CCR5AS: variants seen among roughly 807,000 people sequenced by gnomAD.
CCR5AS encodes the protein CCR5 antisense RNA.
At chr3:46,369,245 C>T (rs1297245125) in intron 3 of CCR5AS, among the ~76,000 whole-genome samples, 1 of 152,122 alleles carries the variant, frequency 6.6e-6, no homozygotes, top group Non-Finnish European at 1.5e-5. Flanking sequence ...CACAGAGCTT[C>T]AATAATTTGG....
intron 2 of CCR5AS, among the ~76,000 whole-genome samples, chr3:46,383,429 GT>G (rs1458494489): frequency 2.0e-5 from 3 of 152,170 alleles, no homozygotes; most frequent in Non-Finnish European, 4.4e-5. Flanking sequence ...GAATTAACGT[GT>G]TAAGAGCTAG....
chr3:46,383,638 G>T (rs557814321), intron 2 of CCR5AS, among the ~76,000 whole-genome samples: 191 of 152,292 alleles, frequency 1.3e-3, no homozygotes, highest in Non-Finnish European at 2.5e-3. Context: ...ATGGCCAGGG[G>T]TAAGAGAGGG....
chr3:46,379,913 TAAA>T (rs1701802185), intron 2 of CCR5AS, among the ~76,000 whole-genome samples: 1 of 148,724 alleles, frequency 6.7e-6, no homozygotes, highest in African/African-American at 2.4e-5. Flanking sequence ...AATAAATAAA[TAAA>T]TAAATAAATA....
At chr3:46,366,034 A>G (rs1701595279) in intron 3 of CCR5AS, among the ~76,000 whole-genome samples, 1 of 152,154 alleles carries the variant, frequency 6.6e-6, no homozygotes, top group Non-Finnish European at 1.5e-5. Flanking sequence ...GGCTTTGAGG[A>G]GAGATGCCCT....
intron 1 of CCR5AS, among the ~76,000 whole-genome samples, chr3:46,395,401 G>A (rs889277277): frequency 1.1e-4 from 17 of 152,078 alleles, no homozygotes; most frequent in South Asian, 4.1e-4. Context: ...AGCAGAACCC[G>A]GAGGAATGCA....
chr3:46,364,783 G>A (rs1482935645), exon 4 of CCR5AS, among the ~76,000 whole-genome samples: 2 of 152,238 alleles, frequency 1.3e-5, no homozygotes, highest in Non-Finnish European at 2.9e-5. Flanking sequence ...CATGGGAGGA[G>A]GTCAAAATAC....
At chr3:46,364,320 A>G (rs1701580448), downstream of CCR5AS, among the ~76,000 whole-genome samples, 1 of 152,242 alleles carries the variant, frequency 6.6e-6, no homozygotes, top group African/African-American at 2.4e-5. Context: ...TCCTGGTGTC[A>G]TTAAGAATTA....
At chr3:46,406,667 G>T (rs898438046) in intron 1 of CCR5AS, among the ~76,000 whole-genome samples, 5 of 152,020 alleles carry the variant, frequency 3.3e-5, no homozygotes, top group Non-Finnish European at 5.9e-5. Context: ...TCCCCCATGA[G>T]TCACAGCACC....
chr3:46,389,353 G>C (rs965787327), intron 2 of CCR5AS, among the ~76,000 whole-genome samples: 29 of 152,134 alleles, frequency 1.9e-4, no homozygotes, highest in Non-Finnish European at 4.0e-4. Flanking sequence ...TGGCAGTTGG[G>C]GTGCTATAAA....
intron 1 of CCR5AS, among the ~76,000 whole-genome samples, chr3:46,394,346 C>T (rs912445917): frequency 2.0e-5 from 3 of 152,170 alleles, no homozygotes; most frequent in African/African-American, 7.2e-5. Flanking sequence ...ATGTCAGGGG[C>T]TGCTACAGGC....
chr3:46,370,426 A>T (rs1701646514), intron 3 of CCR5AS, among the ~76,000 whole-genome samples: 1 of 152,034 alleles, frequency 6.6e-6, no homozygotes, highest in African/African-American at 2.4e-5. Flanking sequence ...GGATACGGGG[A>T]GAGTGGAGAA....
intron 2 of CCR5AS, chr3:46,373,161 G>C (rs762209242): frequency 6.2e-7 from 1 of 1,614,056 alleles, no homozygotes; most frequent in Admixed American, 1.7e-5. Context: ...CCCCTTCTGG[G>C]CTCACTATGC....
At chr3:46,377,252 C>T (rs1701770722) in intron 2 of CCR5AS, among the ~76,000 whole-genome samples, 1 of 152,176 alleles carries the variant, frequency 6.6e-6, no homozygotes, top group Non-Finnish European at 1.5e-5. Flanking sequence ...AGAGCCCGTC[C>T]CCATTACCTC....
chr3:46,404,683 G>C (rs1702031409), intron 1 of CCR5AS, among the ~76,000 whole-genome samples: 1 of 152,020 alleles, frequency 6.6e-6, no homozygotes, highest in African/African-American at 2.4e-5. Context: ...TGTGATCCCT[G>C]AGCCACCTTG....
intron 2 of CCR5AS, among the ~76,000 whole-genome samples, chr3:46,392,283 T>C (rs1338356730): frequency 1.3e-5 from 2 of 152,212 alleles, no homozygotes; most frequent in African/African-American, 2.4e-5. Context: ...GTTGTGGGTA[T>C]TGATGGCCAG....
At chr3:46,372,348 T>G (rs1200907095) in intron 2 of CCR5AS, among the ~76,000 whole-genome samples, 1 of 151,984 alleles carries the variant, frequency 6.6e-6, no homozygotes, top group African/African-American at 2.4e-5. Flanking sequence ...CTGGGCAACA[T>G]AGTGTGATCT....
intron 1 of CCR5AS, among the ~76,000 whole-genome samples, chr3:46,401,392 C>A (rs1702004799): frequency 6.6e-6 from 1 of 152,172 alleles, no homozygotes; most frequent in Non-Finnish European, 1.5e-5. Flanking sequence ...GTCTGGCATA[C>A]AAGAAGTATA....
intron 1 of CCR5AS, among the ~76,000 whole-genome samples, chr3:46,395,742 C>T (rs1353883235): frequency 1.3e-5 from 2 of 152,198 alleles, no homozygotes; most frequent in African/African-American, 4.8e-5. Context: ...ACAGGACCAG[C>T]CTCTGAAGTT....
At chr3:46,395,523 C>A (rs773384090) in intron 1 of CCR5AS, among the ~76,000 whole-genome samples, 2 of 152,094 alleles carry the variant, frequency 1.3e-5, no homozygotes, top group Non-Finnish European at 2.9e-5. Context: ...GTGTCAGCAA[C>A]GTCAAATGTT....
Sources: gnomAD v4.1 joint callset for allele counts (sites outside exome capture counted in the v4.1 genomes callset) on GRCh38, gnomAD v4.1.1 for gene constraint, MANE v1.5 for transcripts, NCBI Gene and HGNC (gene_info 2026-07-23, HGNC 2026-07-21) for gene names.